Variants in CA10 observed in about 807,000 individuals in gnomAD.
The protein encoded by CA10 is carbonic anhydrase 10 (inactive), also known as carbonic anhydrase-related protein 10.
CA10 carries 14 observed loss-of-function variants against 44.2 expected under a neutral mutation model. The ratio of observed to expected loss-of-function variants is 0.32; its 90% CI spans 0.21 to 0.50. CA10 has a LOEUF of 0.50. CA10 is among the 20% of genes least tolerant of loss of function. CA10 has a pLI of 0.99. For synonymous variants in CA10, 159 were observed against 141.6 expected (o/e 1.12, Z -0.87); for missense variants, 350 against 409.7 (o/e 0.85, Z 1.26).
chr17:51,959,005 TTAAAGG>T (rs1983768885), intron 2 of CA10, among the ~76,000 whole-genome samples: 1 of 152,038 alleles, frequency 6.6e-6, no homozygotes, highest in Non-Finnish European at 1.5e-5. Flanking sequence ...GGTATTAAGC[TTAAAGG>T]TATTTTCAGT....
intron 4 of CA10, among the ~76,000 whole-genome samples, chr17:51,701,793 C>G (rs1251289983): frequency 1.3e-5 from 2 of 152,214 alleles, no homozygotes. Context: ...AGCTTGCATT[C>G]ACATTCCATT....
At chr17:51,857,481 T>C (rs1221617764) in intron 3 of CA10, among the ~76,000 whole-genome samples, 1 of 152,166 alleles carries the variant, frequency 6.6e-6, no homozygotes, top group East Asian at 1.9e-4. Context: ...GCATAGCTCC[T>C]CAAGGTTACT....
At chr17:51,960,363 C>A (rs1983842527) in intron 2 of CA10, among the ~76,000 whole-genome samples, 1 of 151,864 alleles carries the variant, frequency 6.6e-6, no homozygotes, top group Non-Finnish European at 1.5e-5. Context: ...AAAAACTTCT[C>A]AAATCTGTGG....
chr17:51,798,240 A>AG (rs2056922952), intron 3 of CA10, among the ~76,000 whole-genome samples: 1 of 152,224 alleles, frequency 6.6e-6, no homozygotes, highest in Non-Finnish European at 1.5e-5. Context: ...TCCTTATAGA[A>AG]GCTCAGGTTC....
At chr17:51,764,045 C>CAAATAAAATA (rs146280810) in intron 3 of CA10, among the ~76,000 whole-genome samples, 6 of 149,706 alleles carry the variant, frequency 4.0e-5, no homozygotes, top group African/African-American at 1.5e-4. Context: ...AAAAACTCTA[C>CAAATAAAATA]AAATAAAATA....
intron 3 of CA10, among the ~76,000 whole-genome samples, chr17:51,816,710 G>A (rs1470821496): frequency 6.6e-6 from 1 of 152,178 alleles, no homozygotes; most frequent in Non-Finnish European, 1.5e-5. Context: ...GCAGCTGAAA[G>A]ATCTTGTTTT....
chr17:51,741,954 T>C (rs1451613456), intron 4 of CA10, among the ~76,000 whole-genome samples: 1 of 152,250 alleles, frequency 6.6e-6, no homozygotes, highest in East Asian at 1.9e-4. Context: ...TTTTGGCTTC[T>C]GCAAGCTGCA....
chr17:51,936,506 C>A (rs999348722), intron 2 of CA10, among the ~76,000 whole-genome samples: 1 of 117,574 alleles, frequency 8.5e-6, no homozygotes, highest in Admixed American at 9.9e-5. Flanking sequence ...CAAGGCAGAG[C>A]GAAAGTGAGC....
At chr17:51,775,979 T>C (rs541953692) in intron 3 of CA10, among the ~76,000 whole-genome samples, 4 of 152,200 alleles carry the variant, frequency 2.6e-5, no homozygotes, top group Non-Finnish European at 2.9e-5. Context: ...GTGGGTCAGA[T>C]TGAGAATACC....
rs935180100 is a variant in CA10, at chr17:51,789,636, A to G, written c.280-41818T>C. On this transcript the variant is annotated intron_variant, in intron 3 of 8. Coordinates refer to ENST00000451037, the MANE Select transcript of CA10 (RefSeq NM_020178.5). ...TGTTTCTCTGCCCACTCTTGCCTCC[A>G]CTCCACCTGACTAACATATCCTCCC... is the stretch of plus-strand genomic sequence containing the variant. Among the ~76,000 whole-genome samples, 51 of 151,724 alleles carry G rather than the reference A, an allele frequency of 3.4e-4. 1 individual carries two copies.
chr17:51,907,634 C>T (rs1238839038), intron 3 of CA10, among the ~76,000 whole-genome samples: 2 of 152,062 alleles, frequency 1.3e-5, no homozygotes, highest in Non-Finnish European at 2.9e-5. Context: ...TGTGCAAGAT[C>T]GCACCTCATT....
intron 3 of CA10, among the ~76,000 whole-genome samples, chr17:51,827,332 GCA>G (rs35515561): frequency 0.1 from 15,375 of 147,446 alleles, 1,829 homozygotes; most frequent in African/African-American, 0.29. Context: ...AGAGAAACAC[GCA>G]CACACACACA....
rs774314839 is a variant in CA10 at position 51,633,579 on chromosome 17, C to T, written c.861G>A (p.Arg287=). The change falls in exon 8 of 9, where the codon AGG becomes AGA. Residue 287 remains arginine, a synonymous_variant. Transcript: ENST00000451037. ...QIFLSMSDNF[R]PVQPLNNRCI... is the part of the protein sequence containing the mutation. The stretch of plus-strand genomic sequence containing the variant: ...AGCGGTTGTTGAGTGGCTGGACAGG[C>T]CTGAAGTTGTCACTCATGCTCAGAA... 6.2e-6 allele frequency: 10 copies of T among 1,613,770 alleles called. No homozygotes were observed. The highest frequency in any genetic ancestry group is 8.5e-6 in the Non-Finnish European group (10 of 1,179,900).
chr17:51,751,111 A>G (rs947058664), intron 3 of CA10, among the ~76,000 whole-genome samples: 5 of 152,202 alleles, frequency 3.3e-5, no homozygotes, highest in South Asian at 2.1e-4. Context: ...GCAGACAAAA[A>G]AGCTATAAGG....
At chr17:51,902,415 C>T (rs779015849) in intron 3 of CA10, among the ~76,000 whole-genome samples, 5 of 152,080 alleles carry the variant, frequency 3.3e-5, no homozygotes, top group Non-Finnish European at 7.4e-5. Context: ...TTAATTTTAT[C>T]TTTTTTTCCC....
intron 2 of CA10, among the ~76,000 whole-genome samples, chr17:52,016,225 A>G (rs1323985224): frequency 6.6e-6 from 1 of 152,114 alleles, no homozygotes; most frequent in Non-Finnish European, 1.5e-5. Context: ...CTTTCCCATA[A>G]TACAGGCAAT....
intron 3 of CA10, among the ~76,000 whole-genome samples, chr17:51,766,822 G>T (rs1036874248): frequency 6.6e-6 from 1 of 152,122 alleles, no homozygotes; most frequent in African/African-American, 2.4e-5. Context: ...ATGAATCAGA[G>T]AGCTCAAAAT....
At chr17:51,882,887 G>C (rs1056594457) in intron 3 of CA10, among the ~76,000 whole-genome samples, 4 of 152,194 alleles carry the variant, frequency 2.6e-5, no homozygotes, top group African/African-American at 9.7e-5. Flanking sequence ...TCTCAGAATA[G>C]AGTAATAGTT....
At chr17:52,062,451 A>T (rs1987415140) in intron 2 of CA10, among the ~76,000 whole-genome samples, 1 of 152,214 alleles carries the variant, frequency 6.6e-6, no homozygotes, top group African/African-American at 2.4e-5. Context: ...AAAGGGAGTC[A>T]GGTGCAAAGA....
Sources: allele counts gnomAD v4.1 joint callset (sites outside exome capture counted in the v4.1 genomes callset), GRCh38; gene constraint gnomAD v4.1.1; transcripts MANE v1.5; gene names NCBI Gene and HGNC (gene_info 2026-07-23, HGNC 2026-07-21).